The following PLXNA2 variants were observed in gnomAD, a reference collection of about 807,000 sequenced individuals.
PLXNA2 encodes the protein plexin-A2.
PLXNA2 carries 91 observed loss-of-function variants against 193.5 expected under a neutral mutation model. The observed-to-expected ratio is 0.47, with a 90% CI of 0.40 to 0.56. The LOEUF (loss-of-function observed/expected upper bound fraction) is 0.56. PLXNA2 is among the 20% of genes least tolerant of loss of function. The pLI is 0.00. For missense variants in PLXNA2, 1,995 were observed against 2,503.2 expected (o/e 0.80, Z 4.33); for synonymous variants, 997 against 1,027.3 (o/e 0.97, Z 0.56).
intron 4 of PLXNA2, among the ~76,000 whole-genome samples, chr1:208,120,844 G>A (rs1429570969): frequency 6.6e-6 from 1 of 152,152 alleles, no homozygotes; most frequent in African/African-American, 2.4e-5. Context: ...GCAGAGAGAT[G>A]GGAATCACCT....
intron 9 of PLXNA2, among the ~76,000 whole-genome samples, chr1:208,086,475 C>T (rs537792047): frequency 3.1e-4 from 47 of 152,102 alleles, no homozygotes; most frequent in African/African-American, 1.1e-3. Context: ...TCCACATTTA[C>T]TAAGGATAAT....
intron 2 of PLXNA2, among the ~76,000 whole-genome samples, chr1:208,212,563 T>C (rs1670996901): frequency 1.3e-5 from 2 of 152,216 alleles, no homozygotes; most frequent in African/African-American, 4.8e-5. Context: ...AGGGAATAAC[T>C]GTGCATTCAG....
chr1:208,082,423 T>C lies in PLXNA2; in HGVS notation c.2384A>G (p.Gln795Arg), dbSNP rs1227989228. ...WNGNFIIDNP[Q>R]DLKVHLYKCA... is the part of the protein sequence containing the mutation. Reference sequence around the variant, plus strand: ...AAGTAGCCGCTTACCTTTCAGGTCCTGAGGGTTGTCAATGATGAAATTGCC... The same window carrying C: ...AAGTAGCCGCTTACCTTTCAGGTCCCGAGGGTTGTCAATGATGAAATTGCC... Residue 795 changes from glutamine (Q) to arginine (R), a missense_variant, in exon 11 of 32, where the codon CAG becomes CGG. Physicochemically the swap from Gln to Arg is conservative, Grantham distance 43 (BLOSUM62 1). This residue lies in a region of PLXNA2 where 1,291 missense variants were observed against 1,673.6 expected (regional missense o/e 0.77). Coordinates refer to ENST00000367033, the MANE Select transcript of PLXNA2 (RefSeq NM_025179.4). This position sits in a 1 kb window ranked among gnomAD's most constrained non-coding sequence, Gnocchi z 4.2. The C allele has an allele frequency of 1.9e-6, 3 of 1,613,932 alleles. No individual in the cohort carries two copies. Among genetic ancestry groups the C allele is most frequent in the Non-Finnish European group, 2.5e-6 (3 of 1,179,816 alleles).
chr1:208,106,856 C>T (rs138062466), intron 4 of PLXNA2, among the ~76,000 whole-genome samples: 48 of 152,174 alleles, frequency 3.2e-4, no homozygotes, highest in African/African-American at 1.1e-3. Flanking sequence ...AGTATGTGTC[C>T]GGGCCTTAAA....
Position 208,084,624 on chromosome 1 carries a change from C to A in PLXNA2, c.2098-44G>T, listed in dbSNP as rs1378350871. 5 of 1,585,532 alleles carry A rather than the reference C, an allele frequency of 3.2e-6. No homozygotes were observed. In the Admixed American group the frequency reaches 6.7e-5, roughly 21 times the overall value. On this transcript the variant is annotated intron_variant, in intron 9 of 31. Coordinates refer to ENST00000367033, the MANE Select transcript of PLXNA2 (RefSeq NM_025179.4). ...AGGCTCCATCTGTCCCCTGTTCATGCTGTCCTATGTGCCTGGGACAGGCAG... is the reference window on the plus strand; with the variant it reads ...AGGCTCCATCTGTCCCCTGTTCATGATGTCCTATGTGCCTGGGACAGGCAG...
chr1:208,206,479 T>G (rs1352921623), intron 3 of PLXNA2, among the ~76,000 whole-genome samples: 1 of 152,230 alleles, frequency 6.6e-6, no homozygotes, highest in Non-Finnish European at 1.5e-5. Context: ...TCTTCTGAGC[T>G]TCTCTGAATG....
chr1:208,028,709 G>T lies in PLXNA2; in HGVS notation c.5438+121C>A. ...GCAGCAGGGGGTGTGGCAGGGAGGG[G>T]AGTGGGAGGTCCTGAAGAGATGACA... On this transcript the variant is annotated intron_variant, in intron 30 of 31. Transcript: ENST00000367033. This position sits in a 1 kb window ranked among gnomAD's most constrained non-coding sequence, Gnocchi z 4.2. The T allele has an allele frequency of 1.2e-6, 1 of 840,286 alleles. No individual in the cohort carries two copies. The highest frequency in any genetic ancestry group is 1.9e-6 in the Non-Finnish European group (1 of 539,656). The allele number at this position is 840,286 out of a possible 1,614,324, so 52.1% of individuals were successfully genotyped here. A position where few individuals can be genotyped will look rare whatever the true frequency, so the allele number is the denominator to read the frequency against.
chr1:208,189,965 G>T (rs181853131), intron 3 of PLXNA2, among the ~76,000 whole-genome samples: 1 of 152,186 alleles, frequency 6.6e-6, no homozygotes, highest in Non-Finnish European at 1.5e-5. Flanking sequence ...CCAGCCAAAA[G>T]TGTGGTTGTA....
At chr1:208,027,368 T>C (rs1464808406) in intron 31 of PLXNA2, 30 bp from the exon 32 acceptor site, 8 of 1,588,466 alleles carry the variant, frequency 5.0e-6, no homozygotes, top group Non-Finnish European at 6.0e-6. Context: ...GCAGGAAGAC[T>C]TCAGGACTCA....
chr1:208,192,427 A>C (rs542844051), intron 3 of PLXNA2, among the ~76,000 whole-genome samples: 1 of 152,094 alleles, frequency 6.6e-6, no homozygotes, highest in East Asian at 2.0e-4. Context: ...CTAAAATGTC[A>C]TCATCTGCCA....
chr1:208,130,497 C>T (rs976497389), intron 4 of PLXNA2, among the ~76,000 whole-genome samples: 3 of 152,216 alleles, frequency 2.0e-5, no homozygotes, highest in Admixed American at 6.5e-5. Context: ...CATGCATACT[C>T]GAACCCAGGT....
intron 3 of PLXNA2, among the ~76,000 whole-genome samples, chr1:208,199,515 A>AC (rs1331819359): frequency 2.0e-5 from 3 of 151,972 alleles, no homozygotes; most frequent in Non-Finnish European, 4.4e-5. Context: ...ACATGTTGAA[A>AC]CCCCGTCTCT....
chr1:208,074,475 G>A (rs961961226), intron 12 of PLXNA2, among the ~76,000 whole-genome samples: 2 of 152,168 alleles, frequency 1.3e-5, no homozygotes, highest in Non-Finnish European at 1.5e-5. Flanking sequence ...AAGTCCTGAG[G>A]GGGTCCTAAC....
At chr1:208,054,668 C>A in intron 13 of PLXNA2, 130 bp from the exon 14 acceptor site, 1 of 686,068 alleles carries the variant, frequency 1.5e-6, no homozygotes, top group South Asian at 1.7e-5. Context: ...TCAGCTTGGT[C>A]ATCCATCTTG....
At chr1:208,047,047 G>A (rs1331578128) in intron 17 of PLXNA2, among the ~76,000 whole-genome samples, 2 of 152,148 alleles carry the variant, frequency 1.3e-5, no homozygotes, top group East Asian at 3.9e-4. Context: ...TGCAGCCTCC[G>A]CCTCCCGGGT....
intron 3 of PLXNA2, among the ~76,000 whole-genome samples, chr1:208,145,144 C>T (rs1668566969): frequency 6.6e-6 from 1 of 152,164 alleles, no homozygotes; most frequent in Non-Finnish European, 1.5e-5. Flanking sequence ...ATGTGATTGC[C>T]ATGACTTCTG....
At chr1:208,153,991 A>G (rs1452068338) in intron 3 of PLXNA2, among the ~76,000 whole-genome samples, 1 of 113,526 alleles carries the variant, frequency 8.8e-6, no homozygotes, top group African/African-American at 3.4e-5. Context: ...ATTCATTGCT[A>G]TTCTTCTGGG....
At chr1:208,119,979 G>A (rs547689535) in intron 4 of PLXNA2, among the ~76,000 whole-genome samples, 1 of 152,216 alleles carries the variant, frequency 6.6e-6, no homozygotes, top group Non-Finnish European at 1.5e-5. Context: ...CCGGAGGGAG[G>A]TGAGTGGATG....
At position 208,042,498 on chromosome 1, in the gene PLXNA2, C is replaced by G. The variant is rs1381665691; in HGVS notation, c.4018-132G>C. 7.4e-6 allele frequency: 6 copies of G among 813,822 alleles called. No homozygotes were observed. In the Admixed American group the frequency reaches 1.6e-4, roughly 22 times the overall value. The allele number at this position is 813,822 out of a possible 1,614,324, so 50.4% of individuals were successfully genotyped here. A position where few individuals can be genotyped will look rare whatever the true frequency, so the allele number is the denominator to read the frequency against. On this transcript the variant is annotated intron_variant, in intron 21 of 31. Transcript: ENST00000367033. ...CTATGTTTGAGGCCTATAACCAACC[C>G]CACCCCATTCCACTCACCCGTGATG...
Sources: gnomAD v4.1 joint callset for allele counts (sites outside exome capture counted in the v4.1 genomes callset) on GRCh38, gnomAD v4.1.1 for gene constraint, gnomAD v4.1.1 regional missense constraint, Gnocchi (gnomAD v3.1) non-coding constraint, MANE v1.5 for transcripts, NCBI Gene and HGNC (gene_info 2026-07-23, HGNC 2026-07-21) for gene names.